Variants in ISL2 observed in about 807,000 individuals in gnomAD.
The protein encoded by ISL2 is insulin gene enhancer protein ISL-2.
In ISL2, 17 loss-of-function variants were observed where a neutral mutation model predicts 34.6. The ratio of observed to expected loss-of-function variants is 0.49; its 90% CI spans 0.34 to 0.74. The LOEUF is 0.74. Among genes scored for constraint, ISL2 ranks in the 30% least tolerant of loss-of-function variants. The pLI, the probability that ISL2 is intolerant of heterozygous loss-of-function variation, is 0.01. For synonymous variants in ISL2, 232 were observed against 225.5 expected, an observed-to-expected ratio of 1.03 and a Z score of -0.26; for missense variants, 469 against 515.2, an observed-to-expected ratio of 0.91 and a Z score of 0.87.
intron 3 of ISL2, chr15:76,339,308 G>C (rs957195418): frequency 2.0e-6 from 2 of 982,958 alleles, no homozygotes; most frequent in African/African-American, 3.5e-5. Context: ...CCTCCCTATA[G>C]AAAGAGGAAA....
intron 2 of ISL2, 28 bp downstream of exon 2, chr15:76,337,995 C>A: frequency 6.5e-7 from 1 of 1,529,092 alleles, no homozygotes; most frequent in Non-Finnish European, 8.8e-7. Flanking sequence ...GCGGGCTGGG[C>A]CACCGCGCGC....
intron 5 of ISL2, among the ~76,000 whole-genome samples, 172 bp from the exon 6 acceptor site, chr15:76,341,547 C>T (rs555425676): frequency 1.1e-4 from 16 of 152,202 alleles, no homozygotes; most frequent in Non-Finnish European, 2.4e-4. Context: ...CCCGCTCCCC[C>T]GCCCTAATCC....
chr15:76,338,357 C>G lies in ISL2; in HGVS notation c.354C>G (p.Ser118=), dbSNP rs372925154. The change falls in exon 3 of 6, where the codon TCC becomes TCG. Residue 118 remains serine, a synonymous_variant. Coordinates refer to ENST00000290759, the MANE Select transcript of ISL2 (RefSeq NM_145805.3). ...ACCACATCGAGTGCTTCCGCTGCTC[C>G]GTGTGCAGCCGCCAGCTGCTGCCTG... ...SVYHIECFRC[S]VCSRQLLPGD... is the part of the protein sequence containing the mutation. The G allele has an allele frequency of 1.3e-6, 2 of 1,559,246 alleles. No individual in the cohort carries two copies. The highest frequency in any genetic ancestry group is 1.7e-6 in the Non-Finnish European group (2 of 1,160,472).
rs1164338416 is a variant in ISL2, at chr15:76,341,294, A to G, written c.956A>G (p.Gln319Arg). The G allele has an allele frequency of 6.3e-7, 1 of 1,598,516 alleles. No individual in the cohort carries two copies. The highest frequency in any genetic ancestry group is 1.8e-4 in the Middle Eastern group (1 of 5,590). ...AGCGACCTGGACCAACCCGCCTTCC[A>G]ACAGCTGGTGAGGCCCTGCCCTACC... The part of the protein sequence containing the change: ...LQSDLDQPAF[Q>R]QLVSFSESGS... Residue 319 changes from glutamine (Q) to arginine (R), a missense_variant, in exon 5 of 6, where the codon CAA becomes CGA. By Grantham distance (43) the Gln-to-Arg change is conservative. This residue lies in a region of ISL2 where 169 missense variants were observed against 154.2 expected (regional missense o/e 1.10). Coordinates refer to ENST00000290759, the MANE Select transcript of ISL2 (RefSeq NM_145805.3).
At position 76,339,092 on chromosome 15, in the gene ISL2, C is replaced by A. The variant is rs1668405015; in HGVS notation, c.511+578C>A. On this transcript the variant is annotated intron_variant, in intron 3 of 5. Transcript: ENST00000290759. ...CATAGTGGACTGTCACTGGAATATT[C>A]TGGGTCCTAATCAGCAGCTGCCCAG... is the stretch of plus-strand genomic sequence containing the variant. 3.0e-6 allele frequency: 3 copies of A among 985,286 alleles called. No homozygotes were observed. The South Asian group carries it at 1.4e-4, about 46-fold the overall frequency. 61.0% of individuals were successfully genotyped at this position (985,286 alleles called of 1,614,324 possible). A position where few individuals can be genotyped will look rare whatever the true frequency, so the allele number is the denominator to read the frequency against.
chr15:76,337,302 C>G (rs2040158081), intron 1 of ISL2: 1 of 356,306 alleles, frequency 2.8e-6, no homozygotes, highest in Non-Finnish European at 5.0e-6. Context: ...TTCGCTTGCT[C>G]TGGGATATTT....
At chr15:76,340,811 G>T (rs553054004) in intron 4 of ISL2, among the ~76,000 whole-genome samples, 2 of 152,260 alleles carry the variant, frequency 1.3e-5, no homozygotes, top group African/African-American at 4.8e-5. Flanking sequence ...GGAGCCCAAG[G>T]CTGCATGGCA....
Position 76,337,888 on chromosome 15 carries a change from G to C in ISL2, c.169G>C (p.Glu57Gln). The C allele has an allele frequency of 1.2e-6, 2 of 1,612,762 alleles. No individual in the cohort carries two copies. The highest frequency in any genetic ancestry group is 1.7e-6 in the Non-Finnish European group (2 of 1,179,734). ...GCACGCGGCCTGCCTCAAGTGTGCC[G>C]AGTGCAGCCAGTACCTGGACGAGAC... ...EWHAACLKCA[E>Q]CSQYLDETCT... The change falls in exon 2 of 6, where the codon GAG becomes CAG. Residue 57 changes from glutamate to glutamine, a missense_variant. Physicochemically the swap from Glu to Gln is conservative, Grantham distance 29. This residue lies in a region of ISL2 where 297 missense variants were observed against 337.8 expected (regional missense o/e 0.88). Transcript: ENST00000290759.
chr15:76,339,757 G>C (rs1235853015), intron 3 of ISL2: 10 of 991,436 alleles, frequency 1.0e-5, no homozygotes, highest in Non-Finnish European at 1.2e-5. Context: ...ATGTGGCCTG[G>C]CCCTGTCCAA....
intron 2 of ISL2, 86 bp downstream of exon 2, chr15:76,338,053 G>T (rs1433047831): frequency 1.6e-5 from 21 of 1,326,732 alleles, no homozygotes; most frequent in Non-Finnish European, 1.8e-5. Context: ...GCGCGCCCCG[G>T]CCCTGCCCAG....
chr15:76,337,639 C>T, intron 1 of ISL2, 139 bp from the exon 2 acceptor site: 1 of 709,852 alleles, frequency 1.4e-6, no homozygotes, highest in African/African-American at 1.8e-5. Context: ...CTTTAGAGAG[C>T]TCATCATCTT....
Position 76,341,731 on chromosome 15 carries a change from G to A in ISL2, c.976G>A (p.Glu326Lys). The A allele has an allele frequency of 6.2e-7, 1 of 1,613,584 alleles. No individual in the cohort carries two copies. The highest frequency in any genetic ancestry group is 2.2e-5 in the East Asian group (1 of 44,854). ...PAFQQLVSFSESGSLGNSSGS... is the reference protein window; with the variant it reads ...PAFQQLVSFSKSGSLGNSSGS... ...TCCGCCGCCCCAGGTCTCCTTCTCC[G>A]AGTCCGGCTCCCTAGGCAACTCCTC... Residue 326 changes from glutamate to lysine, a missense_variant, in exon 6 of 6, where the codon GAG becomes AAG. Transcript: ENST00000290759.
intron 1 of ISL2, 63 bp from the exon 2 acceptor site, chr15:76,337,715 A>C (rs2040161573): frequency 6.9e-7 from 1 of 1,443,490 alleles, no homozygotes; most frequent in African/African-American, 1.4e-5. Context: ...GGGCTGGAGT[A>C]GCCGAGGCCG....
chr15:76,341,024 G>A, intron 4 of ISL2, 110 bp from the exon 5 acceptor site: 1 of 1,083,426 alleles, frequency 9.2e-7, no homozygotes, highest in Non-Finnish European at 1.3e-6. Context: ...GCGCCTCCCC[G>A]CAAAGCAATG....
Position 76,339,808 on chromosome 15 carries a change from G to A in ISL2, c.512-468G>A, listed in dbSNP as rs2040180170. ...GGGGAAGGGCCCTCGTAGGCCCCCG[G>A]CATATTCGCACCTCCCACCCAGTCC... On this transcript the variant is annotated intron_variant, in intron 3 of 5. Transcript: ENST00000290759. The A allele has an allele frequency of 7.0e-6, 7 of 996,050 alleles. 1 individual carries two copies. The South Asian group carries it at 3.1e-4, about 45-fold the overall frequency. The allele number at this position is 996,050 out of a possible 1,614,324, so 61.7% of individuals were successfully genotyped here.
In ISL2 at chr15:76,340,397, C is replaced by A; in HGVS notation, c.633C>A (p.Ala211=). 1.2e-6 allele frequency: 2 copies of A among 1,613,658 alleles called. No homozygotes were observed. The highest frequency in any genetic ancestry group is 1.1e-5 in the South Asian group (1 of 91,074). ...KQLHTLRTCY[A]ANPRPDALMK... is the part of the protein sequence containing the mutation. Reference sequence around the variant, plus strand: ...TGCACACTCTGCGGACCTGCTACGCCGCCAACCCGCGGCCCGACGCTCTCA... The same window carrying A: ...TGCACACTCTGCGGACCTGCTACGCAGCCAACCCGCGGCCCGACGCTCTCA... Residue 211 remains alanine, a synonymous_variant, in exon 4 of 6, where the codon GCC becomes GCA. Coordinates refer to ENST00000290759, the MANE Select transcript of ISL2 (RefSeq NM_145805.3).
chr15:76,339,512 G>T (rs913911121), intron 3 of ISL2: 1 of 985,402 alleles, frequency 1.0e-6, no homozygotes, highest in Admixed American at 6.1e-5. Context: ...TGTTTGTTTC[G>T]GGCTTCAGGG....
chr15:76,337,230 GT>G (rs11439488), intron 1 of ISL2, among the ~76,000 whole-genome samples: 37 of 145,364 alleles, frequency 2.5e-4, no homozygotes, highest in South Asian at 6.5e-4. Context: ...AGGGATGTGG[GT>G]TTTTTTTTTT....
At chr15:76,339,306 T>C (rs1245206254) in intron 3 of ISL2, 2 of 983,560 alleles carry the variant, frequency 2.0e-6, no homozygotes, top group South Asian at 4.7e-5. Context: ...TTCCTCCCTA[T>C]AGAAAGAGGA....
Sources: allele counts gnomAD v4.1 joint callset (sites outside exome capture counted in the v4.1 genomes callset), GRCh38; gene constraint gnomAD v4.1.1; regional missense constraint gnomAD v4.1.1; transcripts MANE v1.5; gene names NCBI Gene and HGNC (gene_info 2026-07-23, HGNC 2026-07-21).